Variants in DUS3L observed in about 807,000 individuals in gnomAD.
The protein encoded by DUS3L is tRNA-dihydrouridine(47) synthase [NAD(P)(+)]-like.
DUS3L carries 62 observed loss-of-function variants against 74.6 expected under a neutral mutation model. That is an observed-to-expected ratio of 0.83 (90% confidence interval 0.68 to 1.03). The LOEUF (loss-of-function observed/expected upper bound fraction) is 1.03. Ranked by LOEUF, DUS3L falls within the 50% of genes least tolerant of loss-of-function variation. The pLI, the probability that DUS3L is intolerant of heterozygous loss-of-function variation, is 0.00. For missense variants in DUS3L, 884 were observed against 924.4 expected (o/e 0.96, Z 0.57); for synonymous variants, 433 against 395.7 (o/e 1.09, Z -1.12).
At chr19:5,790,478 G>C (rs2144739472) in intron 1 of DUS3L, 143 bp from the exon 2 acceptor site, 1 of 1,025,764 alleles carries the variant, frequency 9.7e-7, no homozygotes, top group Non-Finnish European at 1.4e-6. Flanking sequence ...CCCAGCCTGG[G>C]AGCCCCTCAC....
chr19:5,787,385 G>A lies in DUS3L; in HGVS notation c.1213-24C>T, dbSNP rs767988717. 7 of 1,611,418 alleles carry A rather than the reference G, an allele frequency of 4.3e-6. No homozygotes were observed. In the Admixed American group the frequency reaches 5.0e-5, roughly 12 times the overall value. ...CCCTGGAAGAGACAGGCGGGTGGAG[G>A]GAGGGCAGGACGTGGGCTGACCCAA... is the stretch of plus-strand genomic sequence containing the variant. On this transcript the variant is annotated intron_variant, in intron 6 of 12. Transcript: ENST00000309061.
At chr19:5,785,980 G>A in intron 10 of DUS3L, 189 bp from the exon 11 acceptor site, 1 of 650,066 alleles carries the variant, frequency 1.5e-6, no homozygotes, top group Non-Finnish European at 2.5e-6. Context: ...GACGGAGTCT[G>A]GCTCTGTCGC....
chr19:5,789,391 G>T lies in DUS3L; in HGVS notation c.716C>A (p.Pro239His). Reference sequence around the variant, plus strand: ...CTCGGGGACAGCGGCAGCGGGTGTGGGGCCCTGGCTGAACCGGCGCAGGGC... The same window carrying T: ...CTCGGGGACAGCGGCAGCGGGTGTGTGGCCCTGGCTGAACCGGCGCAGGGC... ...EQALRRFSQGPTPAAAVPEGT... is the reference protein window; with the variant it reads ...EQALRRFSQGHTPAAAVPEGT... Residue 239 changes from proline (P) to histidine (H), a missense_variant, in exon 3 of 13, where the codon CCC (proline) becomes CAC (histidine). Physicochemically the swap from Pro to His is moderately conservative, Grantham distance 77. Coordinates refer to ENST00000309061, the MANE Select transcript of DUS3L (RefSeq NM_020175.3). 6.3e-7 allele frequency: 1 copy of T among 1,592,512 alleles called. No homozygotes were observed. The highest frequency in any genetic ancestry group is 1.1e-5 in the South Asian group (1 of 89,462).
Position 5,790,233 on chromosome 19 carries a change from C to T in DUS3L, c.201G>A (p.Leu67=). The stretch of plus-strand genomic sequence containing the variant: ...GGATCCGCTTAGCCTCAGGCTCAGC[C>T]AGCTCATTGCCAGCAGGGTCTCCTA... The part of the protein sequence containing the change: ...TEVGDPAGNE[L]AEPEAKRIRL... The change falls in exon 2 of 13, where the codon CTG becomes CTA. Residue 67 remains leucine, a synonymous_variant. Coordinates refer to ENST00000309061, the MANE Select transcript of DUS3L (RefSeq NM_020175.3). The T allele has an allele frequency of 6.2e-7, 1 of 1,614,196 alleles. No homozygotes were observed.
In DUS3L at chr19:5,785,181, G is replaced by A. The variant is rs1230054157; in HGVS notation, c.*22C>T. The stretch of plus-strand genomic sequence containing the variant: ...TTTATTGTACTCTCCTCGCCCCAGG[G>A]TGCCCCTGGGAAAGCCTGAGGCTAC... On this transcript the variant is annotated 3_prime_UTR_variant, in exon 13 of 13. Coordinates refer to ENST00000309061, the MANE Select transcript of DUS3L (RefSeq NM_020175.3). 4 of 1,591,852 alleles carry A rather than the reference G, an allele frequency of 2.5e-6. No homozygotes were observed. Among genetic ancestry groups the A allele is most frequent in the East Asian group, 2.3e-5 (1 of 44,022 alleles).
Position 5,785,501 on chromosome 19 carries a change from C to T in DUS3L, c.1762G>A (p.Val588Met), listed in dbSNP as rs559204251. 6.8e-5 allele frequency: 107 copies of T among 1,564,930 alleles called. No homozygotes were observed. Among genetic ancestry groups the T allele is most frequent in the South Asian group, 2.6e-4 (22 of 84,554 alleles). Residue 588 changes from valine to methionine, a missense_variant, in exon 12 of 13, where the codon GTG becomes ATG. By Grantham distance (21) the Val-to-Met change is conservative. Transcript: ENST00000309061. ...WLSFLCRYVP[V>M]GLLERLPQRI... is the part of the protein sequence containing the mutation. ...TGTGGGAGCCGCTCCAGCAGCCCCA[C>T]GGGCACGTACCTGCGGCGGGTGGGC...
At chr19:5,790,012 T>C in intron 2 of DUS3L, 35 bp downstream of exon 2, 1 of 1,605,952 alleles carries the variant, frequency 6.2e-7, no homozygotes, top group South Asian at 1.1e-5. Context: ...TGCTCCTGCC[T>C]GCCCCGGCAG....
intron 10 of DUS3L, 35 bp from the exon 11 acceptor site, chr19:5,785,826 C>T (rs775312719): frequency 2.0e-6 from 3 of 1,534,292 alleles, no homozygotes; most frequent in African/African-American, 1.4e-5. Context: ...GGCCCAGCCA[C>T]CAGCCTGCCT....
At position 5,785,162 on chromosome 19, in the gene DUS3L, G is replaced by T. The variant is rs550933083; in HGVS notation, c.*41C>A. On this transcript the variant is annotated 3_prime_UTR_variant, in exon 13 of 13. Coordinates refer to ENST00000309061, the MANE Select transcript of DUS3L (RefSeq NM_020175.3). The stretch of plus-strand genomic sequence containing the variant: ...GGATTTTAAAAGAATAAAATTTATT[G>T]TACTCTCCTCGCCCCAGGGTGCCCC... 3.9e-6 allele frequency: 6 copies of T among 1,557,772 alleles called. No homozygotes were observed. Among genetic ancestry groups the T allele is most frequent in the Admixed American group, 1.9e-5 (1 of 52,134 alleles).
intron 10 of DUS3L, 120 bp from the exon 11 acceptor site, chr19:5,785,911 G>A (rs775477600): frequency 9.0e-7 from 1 of 1,115,424 alleles, no homozygotes; most frequent in Non-Finnish European, 1.2e-6. Context: ...AGCCTAGTAA[G>A]CCTCCCAGCT....
At chr19:5,786,589 A>T (rs568488459) in intron 9 of DUS3L, 47 bp from the exon 10 acceptor site, 2 of 1,601,862 alleles carry the variant, frequency 1.2e-6, no homozygotes, top group Non-Finnish European at 1.7e-6. Flanking sequence ...GGCAGGTGGG[A>T]CCCTGGAGTT....
At chr19:5,790,803 T>A in intron 1 of DUS3L, 1 of 594,532 alleles carries the variant, frequency 1.7e-6, no homozygotes, top group Non-Finnish European at 3.0e-6. Flanking sequence ...AGCGCGGGCC[T>A]GGCCTCAAAT....
intron 8 of DUS3L, 59 bp downstream of exon 8, chr19:5,787,002 T>TA: frequency 6.7e-7 from 1 of 1,491,544 alleles, no homozygotes; most frequent in South Asian, 1.3e-5. Context: ...GAGGAGCCAT[T>TA]AGGAAGGGAC....
rs1240282278 is a variant in DUS3L at position 5,787,124 on chromosome 19, C to T, written c.1326G>A (p.Glu442=). 9.2e-6 allele frequency: 9 copies of T among 974,852 alleles called. No homozygotes were observed. Among genetic ancestry groups the T allele is most frequent in the East Asian group, 1.4e-4 (1 of 7,164 alleles). 60.4% of individuals were successfully genotyped at this position (974,852 alleles called of 1,614,324 possible). ...LTVKIRTGVQ[E]RVNLAHRLLP... is the part of the protein sequence containing the mutation. ...GCAGGCGGTGCGCCAGGTTCACACG[C>T]TCCTGGACGCCTGTGCGGATCTTCA... The change falls in exon 8 of 13, where the codon GAG becomes GAA. Residue 442 remains glutamate, a synonymous_variant. Coordinates refer to ENST00000309061, the MANE Select transcript of DUS3L (RefSeq NM_020175.3).
At chr19:5,789,748 A>G in intron 2 of DUS3L, 29 bp from the exon 3 acceptor site, 1 of 1,575,782 alleles carries the variant, frequency 6.3e-7, no homozygotes, top group Non-Finnish European at 8.6e-7. Context: ...GCAGTGAGGG[A>G]GGACAGGGAG....
At position 5,790,122 on chromosome 19, in the gene DUS3L, C is replaced by G; in HGVS notation, c.312G>C (p.Arg104=). 1 of 1,614,152 alleles carries G rather than the reference C, an allele frequency of 6.2e-7. No homozygotes were observed. Among genetic ancestry groups the G allele is most frequent in the Non-Finnish European group, 8.5e-7 (1 of 1,180,030 alleles). Residue 104 remains arginine, a synonymous_variant, in exon 2 of 13, where the codon CGG becomes CGC. Coordinates refer to ENST00000309061, the MANE Select transcript of DUS3L (RefSeq NM_020175.3). ...CATGGGGCCGGCCCTTGTTTTGTCC[C>G]CGGGCCCTCTTCTGAGTCTGTAGCT... The part of the protein sequence containing the change: ...GEQLQTQKRA[R]GQNKGRPHVK...
intron 2 of DUS3L, 89 bp downstream of exon 2, chr19:5,789,958 C>G: frequency 1.3e-6 from 2 of 1,546,878 alleles, no homozygotes; most frequent in Non-Finnish European, 1.8e-6. Context: ...TTGCTGAAGG[C>G]CCAGGAGCTT....
chr19:5,791,089 G>A lies in DUS3L; in HGVS notation c.53C>T (p.Ser18Leu), dbSNP rs779524301. Residue 18 changes from serine to leucine, a missense_variant, in exon 1 of 13, where the codon TCG becomes TTG. Ser to Leu is a moderately radical substitution (Grantham distance 145). Coordinates refer to ENST00000309061, the MANE Select transcript of DUS3L (RefSeq NM_020175.3). The part of the protein sequence containing the change: ...APLENGGGGD[S>L]GAGALERGVA... ...TCCTCGTTCCAAAGCTCCGGCTCCCGAGTCGCCACCACCACCATTCTCTAG... is the reference window on the plus strand; with the variant it reads ...TCCTCGTTCCAAAGCTCCGGCTCCCAAGTCGCCACCACCACCATTCTCTAG... The A allele has an allele frequency of 3.1e-6, 5 of 1,609,060 alleles. No homozygotes were observed. Among genetic ancestry groups the A allele is most frequent in the East Asian group, 2.2e-5 (1 of 44,754 alleles).
chr19:5,790,704 C>T, intron 1 of DUS3L: 1 of 543,118 alleles, frequency 1.8e-6, no homozygotes, highest in Non-Finnish European at 3.3e-6. Context: ...CCGCGGCACT[C>T]GCTTCAACCC....
Sources: allele counts gnomAD v4.1 joint callset, GRCh38; gene constraint gnomAD v4.1.1; transcripts MANE v1.5; gene names NCBI Gene and HGNC (gene_info 2026-07-23, HGNC 2026-07-21).